The following GNAZ variants were observed in gnomAD, a reference collection of about 807,000 sequenced individuals.
GNAZ encodes the protein guanine nucleotide-binding protein G(z) subunit alpha.
Under a neutral mutation model 25.4 loss-of-function variants are expected in GNAZ, and 3 were observed. That is an observed-to-expected ratio of 0.12 (90% CI 0.05 to 0.30). The LOEUF (loss-of-function observed/expected upper bound fraction) is 0.30. Ranked by LOEUF, GNAZ falls within the 10% of genes least tolerant of loss-of-function variation. The probability of loss-of-function intolerance (pLI) is 1.00; values close to 1 mark genes in which losing one functional copy is unlikely to be tolerated. For synonymous variants in GNAZ, 211 were observed against 205.7 expected, an observed-to-expected ratio of 1.03 and a Z score of -0.22; for missense variants, 241 against 501.8, an observed-to-expected ratio of 0.48 and a Z score of 4.97.
intron 2 of GNAZ, among the ~76,000 whole-genome samples, chr22:23,102,838 C>G (rs1213874749): frequency 6.6e-6 from 1 of 152,188 alleles, no homozygotes; most frequent in Non-Finnish European, 1.5e-5. Flanking sequence ...TTGTCAGGTG[C>G]CTTGGCAGAA....
At chr22:23,073,516 C>A (rs2068427971) in intron 1 of GNAZ, among the ~76,000 whole-genome samples, 1 of 152,180 alleles carries the variant, frequency 6.6e-6, no homozygotes, top group South Asian at 2.1e-4. Context: ...GCCCCTTTTT[C>A]TCTGAACCTC....
chr22:23,100,367 C>T (rs900574836), intron 2 of GNAZ, among the ~76,000 whole-genome samples: 1 of 152,244 alleles, frequency 6.6e-6, no homozygotes, highest in African/African-American at 2.4e-5. Context: ...CAGGCTGGGT[C>T]ACAGCAGGGT....
At position 23,123,608 on chromosome 22, in the gene GNAZ, G is replaced by C. The variant is rs564552272; in HGVS notation, c.*177G>C. On this transcript the variant is annotated 3_prime_UTR_variant, in exon 3 of 3. Transcript: ENST00000615612. ...CTGCAAACATAAATATTTACGGATA[G>C]ATTGCTAGGTAGATAGACACACACA... 5 of 599,596 alleles carry C rather than the reference G, an allele frequency of 8.3e-6. No homozygotes were observed. The highest frequency in any genetic ancestry group is 1.9e-5 in the African/African-American group (1 of 53,842). The allele number at this position is 599,596 out of a possible 1,614,324, so 37.1% of individuals were successfully genotyped here.
chr22:23,107,621 G>A (rs574726396), intron 2 of GNAZ, among the ~76,000 whole-genome samples: 2 of 152,108 alleles, frequency 1.3e-5, no homozygotes, highest in Non-Finnish European at 2.9e-5. Flanking sequence ...GCTGGGGCGG[G>A]AGCAGGGGTC....
intron 2 of GNAZ, among the ~76,000 whole-genome samples, chr22:23,106,920 C>T (rs1487776997): frequency 1.3e-5 from 2 of 152,328 alleles, no homozygotes; most frequent in African/African-American, 4.8e-5. Flanking sequence ...CGGGTCACCC[C>T]ACCCCCTCCA....
intron 1 of GNAZ, among the ~76,000 whole-genome samples, chr22:23,094,869 A>G (rs973531002): frequency 3.3e-5 from 5 of 152,242 alleles, no homozygotes; most frequent in South Asian, 2.1e-4. Flanking sequence ...AAAACAGGGC[A>G]AGGCTGAGCT....
At chr22:23,106,642 T>C (rs952664512) in intron 2 of GNAZ, among the ~76,000 whole-genome samples, 4 of 152,144 alleles carry the variant, frequency 2.6e-5, no homozygotes, top group African/African-American at 9.7e-5. Flanking sequence ...TAGGATAACA[T>C]GTGTGTGCTG....
intron 1 of GNAZ, among the ~76,000 whole-genome samples, chr22:23,094,359 G>T (rs1262551452): frequency 2.0e-5 from 3 of 152,004 alleles, no homozygotes; most frequent in Admixed American, 6.5e-5. Context: ...GGGCATCCTA[G>T]GGTGTGCCCC....
At position 23,099,007 on chromosome 22, in the gene GNAZ, G is replaced by A. The variant is rs554106655; in HGVS notation, c.723+2589G>A. 3.0e-3 allele frequency among the ~76,000 whole-genome samples: 453 copies of A among 152,372 alleles called. 2 individuals are homozygous for A. Among genetic ancestry groups the A allele is most frequent in the Middle Eastern group, 6.8e-3 (2 of 294 alleles). On this transcript the variant is annotated intron_variant, in intron 2 of 2. Coordinates refer to ENST00000615612, the MANE Select transcript of GNAZ (RefSeq NM_002073.4). ...GGCCATGCTCGTTTTCACAAAAGCC[G>A]AATGAACCTTGGGGCCCAGTGCCAG...
intron 2 of GNAZ, among the ~76,000 whole-genome samples, chr22:23,105,969 G>A (rs117039490): frequency 0.013 from 2,041 of 152,284 alleles, 14 homozygotes; most frequent in Non-Finnish European, 0.02. Flanking sequence ...TCCCTTTCTG[G>A]GTCTGGGTGT....
Position 23,124,327 on chromosome 22 carries a change from T to C in GNAZ, c.*896T>C. ...TGCAGATTTTCAAAACATATTTTTT[T>C]TCAGGTGGTCTTTTTTGTGTCTGGC... On this transcript the variant is annotated 3_prime_UTR_variant, in exon 3 of 3. Transcript: ENST00000615612. The C allele has an allele frequency of 2.5e-6, 1 of 398,360 alleles. No homozygotes were observed. Among genetic ancestry groups the C allele is most frequent in the Non-Finnish European group, 5.3e-6 (1 of 188,614 alleles). 24.7% of individuals were successfully genotyped at this position (398,360 alleles called of 1,614,324 possible). A position where few individuals can be genotyped will look rare whatever the true frequency, so the allele number is the denominator to read the frequency against.
chr22:23,084,061 C>T (rs1384553359), intron 1 of GNAZ, among the ~76,000 whole-genome samples: 1 of 152,098 alleles, frequency 6.6e-6, no homozygotes, highest in African/African-American at 2.4e-5. Flanking sequence ...GCTATGCAGG[C>T]GATCTTTCCC....
intron 2 of GNAZ, chr22:23,122,720 G>C (rs572080406): frequency 3.6e-6 from 1 of 278,548 alleles, no homozygotes; most frequent in East Asian, 7.1e-5. Flanking sequence ...GCAGCCTGTG[G>C]ATGGGCAGTG....
At chr22:23,109,850 C>G (rs866724529) in intron 2 of GNAZ, among the ~76,000 whole-genome samples, 22 of 152,208 alleles carry the variant, frequency 1.4e-4, no homozygotes, top group African/African-American at 5.1e-4. Context: ...AGGCAGGACC[C>G]AGCAGTTGAG....
intron 1 of GNAZ, among the ~76,000 whole-genome samples, chr22:23,083,744 G>T (rs1989777): frequency 5.3e-5 from 8 of 151,716 alleles, no homozygotes; most frequent in Non-Finnish European, 8.8e-5. Flanking sequence ...CCAGTTTGTG[G>T]GGCATCCCTT....
At chr22:23,098,704 C>T (rs1370874386) in intron 2 of GNAZ, among the ~76,000 whole-genome samples, 1 of 152,274 alleles carries the variant, frequency 6.6e-6, no homozygotes, top group Non-Finnish European at 1.5e-5. Context: ...TGATTCTGAC[C>T]TTTCATGCTC....
At chr22:23,108,765 C>T (rs2069556678) in intron 2 of GNAZ, among the ~76,000 whole-genome samples, 2 of 152,262 alleles carry the variant, frequency 1.3e-5, no homozygotes, top group African/African-American at 2.4e-5. Context: ...GTCAGCTCCA[C>T]CTGCTCTCTG....
chr22:23,123,404 C>T lies in GNAZ; in HGVS notation c.1041C>T (p.Asn347=), dbSNP rs1210745853. The change falls in exon 3 of 3, where the codon AAC becomes AAT. Residue 347 remains asparagine, a synonymous_variant. Transcript: ENST00000615612. ...FDAVTDVIIQ[N]NLKYIGLC Reference sequence around the variant, plus strand: ...CGGTGACAGACGTCATCATACAGAACAATCTCAAGTACATTGGCCTTTGCT... The same window carrying T: ...CGGTGACAGACGTCATCATACAGAATAATCTCAAGTACATTGGCCTTTGCT... 1.2e-6 allele frequency: 2 copies of T among 1,613,534 alleles called. No homozygotes were observed. The highest frequency in any genetic ancestry group is 1.7e-6 in the Non-Finnish European group (2 of 1,179,582).
intron 1 of GNAZ, among the ~76,000 whole-genome samples, chr22:23,082,286 G>A (rs958385002): frequency 2.9e-4 from 43 of 150,412 alleles, no homozygotes; most frequent in African/African-American, 9.7e-4. Flanking sequence ...GCGCGATCTC[G>A]GCTCACTGCA....
Sources: allele counts gnomAD v4.1 joint callset (sites outside exome capture counted in the v4.1 genomes callset), GRCh38; gene constraint gnomAD v4.1.1; transcripts MANE v1.5; gene names NCBI Gene and HGNC (gene_info 2026-07-23, HGNC 2026-07-21).